TEKT5: variants seen among roughly 807,000 people sequenced by gnomAD.
The protein encoded by TEKT5 is tektin 5.
A neutral mutation model predicts 48.7 loss-of-function variants in TEKT5; 52 were observed. The observed-to-expected ratio is 1.07, with a 90% CI of 0.86 to 1.35. The LOEUF (loss-of-function observed/expected upper bound fraction) is 1.35, where lower values mean the gene tolerates loss of function less well. Ranked by LOEUF, TEKT5 falls within the 40% of genes most tolerant of loss-of-function variation. TEKT5 has a pLI of 0.00. For synonymous variants in TEKT5, 318 were observed against 267.6 expected, an observed-to-expected ratio of 1.19 and a Z score of -1.84; for missense variants, 831 against 641.6, an observed-to-expected ratio of 1.30 and a Z score of -3.19.
Position 10,694,601 on chromosome 16 carries a change from G to C in TEKT5, c.273C>G (p.Pro91=), listed in dbSNP as rs1344235864. 6.2e-7 allele frequency: 1 copy of C among 1,609,610 alleles called. No homozygotes were observed. The highest frequency in any genetic ancestry group is 1.1e-5 in the South Asian group (1 of 90,276). The change falls in exon 1 of 7, where the codon CCC becomes CCG. Residue 91 remains proline (P), a synonymous_variant. Transcript: ENST00000283025. ...LRSALFSRYS[P]HDWDQSNQLQ... Reference sequence around the variant, plus strand: ...GCTGGTTGGACTGGTCCCAGTCGTGGGGGCTATAGCGAGAGAAGAGTGCGG... The same window carrying C: ...GCTGGTTGGACTGGTCCCAGTCGTGCGGGCTATAGCGAGAGAAGAGTGCGG...
rs185897023 is a variant in TEKT5 at position 10,635,217 on chromosome 16, G to A, written c.1241+547C>T. On this transcript the variant is annotated intron_variant, in intron 6 of 6. Transcript: ENST00000283025. ...AAACCTCCTTTCTGGGCTGGCATGA[G>A]CTTTTGACCCCTGTCCTGTGAGAAA... is the stretch of plus-strand genomic sequence containing the variant. Among the ~76,000 whole-genome samples the A allele has an allele frequency of 3.4e-4, 46 of 135,662 alleles. 1 individual carries two copies. In the East Asian group the frequency reaches 8.7e-3, roughly 26 times the overall value. The allele number at this position is 135,662 out of a possible 152,430, so 89.0% of individuals were successfully genotyped here.
intron 5 of TEKT5, among the ~76,000 whole-genome samples, chr16:10,668,919 G>A (rs1898506846): frequency 6.6e-6 from 1 of 151,656 alleles, no homozygotes; most frequent in African/African-American, 2.4e-5. Flanking sequence ...GAGGCTAACT[G>A]GAGCACCTGA....
chr16:10,660,632 C>G (rs1898350525), intron 5 of TEKT5, among the ~76,000 whole-genome samples: 1 of 151,038 alleles, frequency 6.6e-6, no homozygotes, highest in African/African-American at 2.5e-5. Context: ...AAAAGCCAGT[C>G]TGAGAATGTT....
intron 5 of TEKT5, among the ~76,000 whole-genome samples, chr16:10,664,060 A>G (rs1009746934): frequency 1.3e-5 from 2 of 152,122 alleles, no homozygotes; most frequent in African/African-American, 2.4e-5. Context: ...AATTCATGAT[A>G]ATTCATCATC....
chr16:10,660,572 T>A (rs1457452170), intron 5 of TEKT5, among the ~76,000 whole-genome samples: 1 of 152,098 alleles, frequency 6.6e-6, no homozygotes, highest in Non-Finnish European at 1.5e-5. Context: ...ATGTTCTCTA[T>A]GAATTCCACC....
rs925456004 is a variant in TEKT5 at position 10,694,745 on chromosome 16, C to A, written c.129G>T (p.Gly43=). 7 of 1,614,128 alleles carry A rather than the reference C, an allele frequency of 4.3e-6. No homozygotes were observed. Among genetic ancestry groups the A allele is most frequent in the Non-Finnish European group, 5.9e-6 (7 of 1,179,996 alleles). Residue 43 remains glycine (G), a synonymous_variant, in exon 1 of 7, where the codon GGG becomes GGT. Transcript: ENST00000283025. ...GCCTCCATGAATTGAGGTAGCGGTACCCGGGCAGGTAGTAGGGCTGATAGC... is the reference window on the plus strand; with the variant it reads ...GCCTCCATGAATTGAGGTAGCGGTAACCGGGCAGGTAGTAGGGCTGATAGC... ...QECYQPYYLP[G]YRYLNSWRPS...
At chr16:10,648,551 C>T (rs543825450) in intron 5 of TEKT5, among the ~76,000 whole-genome samples, 17 of 152,078 alleles carry the variant, frequency 1.1e-4, no homozygotes, top group Non-Finnish European at 2.5e-4. Flanking sequence ...AGGCTGGTCT[C>T]GAACTCCCGG....
chr16:10,672,141 A>T (rs1898558978), intron 5 of TEKT5, among the ~76,000 whole-genome samples: 1 of 152,198 alleles, frequency 6.6e-6, no homozygotes, highest in Non-Finnish European at 1.5e-5. Context: ...TGTACACTTA[A>T]GAGTGGTTAA....
In TEKT5 at chr16:10,676,012, G is replaced by A. The variant is rs374585206; in HGVS notation, c.1033C>T (p.Arg345Cys). ...TTCACATCCGTCACCTCAGAGATGCGGGCGTTGAAGGCCAGGTTGGTGTCT... is the reference window on the plus strand; with the variant it reads ...TTCACATCCGTCACCTCAGAGATGCAGGCGTTGAAGGCCAGGTTGGTGTCT... ...FTDTNLAFNA[R>C]ISEVTDVKNK... Residue 345 changes from arginine to cysteine, a missense_variant, in exon 5 of 7, where the codon CGC (arginine) becomes TGC (cysteine). Arg to Cys is a radical substitution (Grantham distance 180, BLOSUM62 -3). Transcript: ENST00000283025. The A allele has an allele frequency of 4.2e-5, 68 of 1,614,092 alleles. 1 individual carries two copies. Among genetic ancestry groups the A allele is most frequent in the South Asian group, 1.9e-4 (17 of 91,084 alleles).
At position 10,694,797 on chromosome 16, in the gene TEKT5, G is replaced by A. The variant is rs1478244148; in HGVS notation, c.77C>T (p.Ala26Val). The A allele has an allele frequency of 1.9e-6, 3 of 1,612,668 alleles. No individual in the cohort carries two copies. The highest frequency in any genetic ancestry group is 1.7e-4 in the Middle Eastern group (1 of 6,046). ...TTCCTGGATCACTGGCGCCTGTACA[G>A]CTGGCAGTGAGGTCAAGCCACAGCA... ...KKCCGLTSLP[A>V]VQAPVIQECY... The change falls in exon 1 of 7, where the codon GCT becomes GTT. Residue 26 changes from alanine to valine, a missense_variant. Transcript: ENST00000283025.
intron 3 of TEKT5, among the ~76,000 whole-genome samples, chr16:10,683,340 G>A (rs75772816): frequency 8.6e-3 from 263 of 30,628 alleles, no homozygotes; most frequent in Admixed American, 0.025. Context: ...GGGCGGGGTC[G>A]GGGGCTAGGT....
chr16:10,657,502 C>A lies in TEKT5; in HGVS notation c.1086+18457G>T, dbSNP rs544637288. On this transcript the variant is annotated intron_variant, in intron 5 of 6. Transcript: ENST00000283025. ...GACAGTAGAGAAATAGGAGTGAATCCAGTGCTATAACCAATGACTTCCAAA... is the reference window on the plus strand; with the variant it reads ...GACAGTAGAGAAATAGGAGTGAATCAAGTGCTATAACCAATGACTTCCAAA... Among the ~76,000 whole-genome samples the A allele has an allele frequency of 3.3e-5, 5 of 152,114 alleles. No homozygotes were observed. In the East Asian group the frequency reaches 5.8e-4, roughly 18 times the overall value.
At chr16:10,658,828 G>A (rs962438903) in intron 5 of TEKT5, among the ~76,000 whole-genome samples, 13 of 151,606 alleles carry the variant, frequency 8.6e-5, no homozygotes, top group African/African-American at 2.4e-4. Flanking sequence ...AGCAATTCTC[G>A]TACCTCAGTC....
intron 6 of TEKT5, among the ~76,000 whole-genome samples, chr16:10,631,988 G>A (rs1169212747): frequency 6.6e-6 from 1 of 152,050 alleles, no homozygotes; most frequent in African/African-American, 2.4e-5. Context: ...GCTTGGTTGT[G>A]GGACTGTGCT....
chr16:10,658,060 T>A (rs1841433547), intron 5 of TEKT5, among the ~76,000 whole-genome samples: 1 of 152,220 alleles, frequency 6.6e-6, no homozygotes, highest in African/African-American at 2.4e-5. Context: ...AGAAACTTTG[T>A]ATCCCCTGTC....
Position 10,643,776 on chromosome 16 carries a change from G to A in TEKT5, c.1087-7858C>T, listed in dbSNP as rs112046526. On this transcript the variant is annotated intron_variant, in intron 5 of 6. Transcript: ENST00000283025. ...TTTCACGCCGGGCGGGGTGGCTCACGCCTGTTTTACCAGCACTTTGGGAGG... is the reference window on the plus strand; with the variant it reads ...TTTCACGCCGGGCGGGGTGGCTCACACCTGTTTTACCAGCACTTTGGGAGG... Among the ~76,000 whole-genome samples, 790 of 152,182 alleles carry A rather than the reference G, an allele frequency of 5.2e-3. 9 individuals are homozygous for A. The highest frequency in any genetic ancestry group is 0.018 in the African/African-American group (758 of 41,524).
chr16:10,681,318 G>C (rs1487570017), intron 4 of TEKT5, among the ~76,000 whole-genome samples: 2 of 152,132 alleles, frequency 1.3e-5, no homozygotes, highest in African/African-American at 4.8e-5. Flanking sequence ...GACTTGCTCA[G>C]TGTTAGCGTA....
intron 5 of TEKT5, among the ~76,000 whole-genome samples, chr16:10,669,676 C>A (rs1898521752): frequency 6.6e-6 from 1 of 152,138 alleles, no homozygotes. Context: ...ATAGAAGTAT[C>A]CCTGACCCCA....
At chr16:10,689,672 T>C (rs565498063) in intron 2 of TEKT5, among the ~76,000 whole-genome samples, 11 of 152,242 alleles carry the variant, frequency 7.2e-5, no homozygotes, top group African/African-American at 2.6e-4. Context: ...TGACATATAG[T>C]AGGTGCTCAA....
Sources: allele counts gnomAD v4.1 joint callset (sites outside exome capture counted in the v4.1 genomes callset), GRCh38; gene constraint gnomAD v4.1.1; transcripts MANE v1.5; gene names NCBI Gene and HGNC (gene_info 2026-07-23, HGNC 2026-07-21).